The following RERE variants were observed in gnomAD, a reference collection of about 807,000 sequenced individuals.
RERE encodes the protein arginine-glutamic acid dipeptide repeats, also known as arginine-glutamic acid dipeptide repeats protein.
A neutral mutation model predicts 146.1 loss-of-function variants in RERE; 40 were observed. That is an observed-to-expected ratio of 0.27 (90% CI 0.21 to 0.36). The LOEUF (loss-of-function observed/expected upper bound fraction) is 0.36. Ranked by LOEUF, RERE falls within the 10% of genes least tolerant of loss-of-function variation. The probability of loss-of-function intolerance (pLI) is 1.00; values close to 1 mark genes in which losing one functional copy is unlikely to be tolerated. For synonymous variants in RERE, 1,003 were observed against 866.0 expected (o/e 1.16, Z -2.78); for missense variants, 1,933 against 2,138.7 (o/e 0.90, Z 1.90).
At chr1:8,797,801 C>A (rs1418005640) in intron 1 of RERE, among the ~76,000 whole-genome samples, 1 of 152,184 alleles carries the variant, frequency 6.6e-6, no homozygotes, top group Non-Finnish European at 1.5e-5. Flanking sequence ...TGACTGCAGT[C>A]TCTAGTAAGA....
intron 10 of RERE, among the ~76,000 whole-genome samples, chr1:8,478,518 C>T (rs1044029342): frequency 6.6e-6 from 1 of 152,084 alleles, no homozygotes; most frequent in African/African-American, 2.4e-5. Context: ...GCAGGAAGGA[C>T]AGGAGTGGGG....
At chr1:8,804,608 A>C (rs1378503982) in intron 1 of RERE, among the ~76,000 whole-genome samples, 4 of 152,188 alleles carry the variant, frequency 2.6e-5, no homozygotes, top group Non-Finnish European at 5.9e-5. Flanking sequence ...ATTCCGTTAT[A>C]ATCGAAGGGA....
chr1:8,800,258 CA>C (rs34669744), intron 1 of RERE, among the ~76,000 whole-genome samples: 73 of 143,860 alleles, frequency 5.1e-4, no homozygotes, highest in Middle Eastern at 3.6e-3. Flanking sequence ...GACTCTACGT[CA>C]AAAAAAAAAA....
intron 16 of RERE, 85 bp downstream of exon 16, chr1:8,362,598 G>A: frequency 6.5e-7 from 1 of 1,529,888 alleles, no homozygotes; most frequent in Non-Finnish European, 9.0e-7. Context: ...CCTCGTGTCT[G>A]AGGGAGCTGA....
At chr1:8,385,592 G>A (rs1436469325) in intron 12 of RERE, among the ~76,000 whole-genome samples, 1 of 152,048 alleles carries the variant, frequency 6.6e-6, no homozygotes, top group East Asian at 1.9e-4. Flanking sequence ...CCAGCTCCTG[G>A]TGACCAAACA....
intron 15 of RERE, among the ~76,000 whole-genome samples, chr1:8,363,086 C>T (rs74049614): frequency 0.026 from 4,015 of 152,346 alleles, 184 homozygotes; most frequent in African/African-American, 0.092. Flanking sequence ...AAACCTAAAG[C>T]ACTCATCCCA....
chr1:8,466,081 C>G, intron 10 of RERE, 58 bp from the exon 11 acceptor site: 5 of 1,416,986 alleles, frequency 3.5e-6, no homozygotes, highest in Non-Finnish European at 3.9e-6. Context: ...AGGACACAAT[C>G]GATCCAAGGC....
At chr1:8,383,248 C>T (rs780401325) in intron 12 of RERE, among the ~76,000 whole-genome samples, 1 of 151,670 alleles carries the variant, frequency 6.6e-6, no homozygotes, top group African/African-American at 2.4e-5. Context: ...AAATGCCCAA[C>T]AGCCCACTGA....
chr1:8,464,627 C>T (rs183019670), intron 11 of RERE, among the ~76,000 whole-genome samples: 1 of 152,284 alleles, frequency 6.6e-6, no homozygotes, highest in African/African-American at 2.4e-5. Flanking sequence ...GTTGCAGAAA[C>T]ATTCCTGCCT....
At position 8,361,054 on chromosome 1, in the gene RERE, G is replaced by A. The variant is rs1057430315; in HGVS notation, c.2453C>T (p.Pro818Leu). Residue 818 changes from proline to leucine, a missense_variant, in exon 18 of 23, where the codon CCG (proline) becomes CTG (leucine). Transcript: ENST00000400908. ...CAGCGGGGGATGTGGCGAGGGATGC[G>A]GCGGGGGATGCGGTGAGGGCGGCCG... ...PQRPPSPHPP[P>L]HPSPHPPLQP... is the part of the protein sequence containing the mutation. 71 of 1,437,276 alleles carry A rather than the reference G, an allele frequency of 4.9e-5. No homozygotes were observed. In the Middle Eastern group the frequency reaches 1.9e-3, roughly 39 times the overall value. The allele number at this position is 1,437,276 out of a possible 1,614,324, so 89.0% of individuals were successfully genotyped here.
rs180718031 is a variant in RERE, at chr1:8,490,306, G to A, written c.1104+4757C>T. On this transcript the variant is annotated intron_variant, in intron 10 of 22. Coordinates refer to ENST00000400908, the MANE Select transcript of RERE (RefSeq NM_001042681.2). ...TGGGAGGAGGAGGTTGCAGTGAGCC[G>A]AGATCGCACCACTGCACTCCAGCCT... Among the ~76,000 whole-genome samples the A allele has an allele frequency of 4.8e-4, 67 of 139,684 alleles. 4 individuals carry two copies. The highest frequency in any genetic ancestry group is 1.8e-3 in the African/African-American group (61 of 34,770). The allele number at this position is 139,684 out of a possible 152,430, so 91.6% of individuals were successfully genotyped here. A position where few individuals can be genotyped will look rare whatever the true frequency, so the allele number is the denominator to read the frequency against.
intron 1 of RERE, among the ~76,000 whole-genome samples, chr1:8,701,662 A>C (rs749649966): frequency 2.4e-4 from 36 of 152,232 alleles, no homozygotes; most frequent in Non-Finnish European, 4.7e-4. Flanking sequence ...TAACATTTCA[A>C]GTGCAGCCTG....
At chr1:8,806,677 T>C (rs1265443167) in intron 1 of RERE, 1 of 152,140 alleles carries the variant, frequency 6.6e-6, no homozygotes, top group Non-Finnish European at 1.5e-5. Flanking sequence ...CAAGGTGCAC[T>C]GAAGTGACCA....
chr1:8,544,107 G>A (rs556423225), intron 6 of RERE, among the ~76,000 whole-genome samples: 6 of 152,192 alleles, frequency 3.9e-5, no homozygotes, highest in Non-Finnish European at 8.8e-5. Context: ...CATAGTATTG[G>A]AAATAATTGA....
chr1:8,421,640 G>GT (rs1643911217), intron 12 of RERE, among the ~76,000 whole-genome samples: 1 of 152,052 alleles, frequency 6.6e-6, no homozygotes, highest in Non-Finnish European at 1.5e-5. Flanking sequence ...GTACTATACA[G>GT]TAAGTGTCCA....
chr1:8,794,250 A>G (rs1391559287), intron 1 of RERE, among the ~76,000 whole-genome samples: 1 of 150,530 alleles, frequency 6.6e-6, no homozygotes, highest in Non-Finnish European at 1.5e-5. Context: ...ATACAAAAGT[A>G]AAGTCCCAGC....
chr1:8,770,450 T>G (rs1640926171), intron 1 of RERE, among the ~76,000 whole-genome samples: 2 of 152,218 alleles, frequency 1.3e-5, no homozygotes, highest in African/African-American at 4.8e-5. Context: ...AAACTAGATT[T>G]AGAGAAAATG....
intron 9 of RERE, among the ~76,000 whole-genome samples, chr1:8,496,814 G>C (rs1027852740): frequency 2.6e-5 from 4 of 152,206 alleles, no homozygotes; most frequent in Admixed American, 2.6e-4. Context: ...GTCAAGTTCA[G>C]GACAGGCACT....
intron 6 of RERE, among the ~76,000 whole-genome samples, chr1:8,548,643 G>A (rs1431899131): frequency 6.6e-6 from 1 of 152,184 alleles, no homozygotes; most frequent in Non-Finnish European, 1.5e-5. Flanking sequence ...TGAGAACTGA[G>A]TTTCTTCTGT....
Sources: gnomAD v4.1 joint callset for allele counts (sites outside exome capture counted in the v4.1 genomes callset) on GRCh38, gnomAD v4.1.1 for gene constraint, MANE v1.5 for transcripts, NCBI Gene and HGNC (gene_info 2026-07-23, HGNC 2026-07-21) for gene names.